The following CSMD1 variants were observed in gnomAD, a reference collection of about 807,000 sequenced individuals.
The protein encoded by CSMD1 is CUB and sushi domain-containing protein 1.
A neutral mutation model predicts 417.5 loss-of-function variants in CSMD1; 213 were observed. The observed-to-expected ratio is 0.51, with a 90% CI of 0.46 to 0.57. CSMD1 has a LOEUF of 0.57. Among genes scored for constraint, CSMD1 ranks in the 20% least tolerant of loss-of-function variants. The probability of loss-of-function intolerance (pLI) is 0.00; values close to 1 mark genes in which losing one functional copy is unlikely to be tolerated. For missense variants in CSMD1, 6,923 were observed against 4,529.7 expected (o/e 1.53, Z -15.17); for synonymous variants, 2,862 against 1,736.8 (o/e 1.65, Z -16.11).
chr8:3,075,838 G>A (rs757167101), intron 49 of CSMD1, among the ~76,000 whole-genome samples: 2 of 150,428 alleles, frequency 1.3e-5, no homozygotes, highest in Admixed American at 1.3e-4. Flanking sequence ...TCAGGAGATC[G>A]AGACCATCCT....
Position 4,019,637 on chromosome 8 carries a change from G to C in CSMD1, c.610+12268C>G, listed in dbSNP as rs375482515. On this transcript the variant is annotated intron_variant, in intron 4 of 69. Transcript: ENST00000635120. ...AAGTGATTTCCTTGAAATGCATGAG[G>C]TTAGAAAGGGAGCTGGAACTTAAAG... Among the ~76,000 whole-genome samples, 25 of 152,274 alleles carry C rather than the reference G, an allele frequency of 1.6e-4. No individual in the cohort carries two copies. In the East Asian group the frequency reaches 2.1e-3, roughly 13 times the overall value.
intron 3 of CSMD1, among the ~76,000 whole-genome samples, chr8:4,142,958 G>C (rs1803879205): frequency 6.8e-6 from 1 of 148,142 alleles, no homozygotes; most frequent in Non-Finnish European, 1.5e-5. Context: ...GAAATACCCA[G>C]AAACTATCAG....
intron 8 of CSMD1, among the ~76,000 whole-genome samples, chr8:3,616,411 G>A (rs73491476): frequency 6.6e-6 from 1 of 152,070 alleles, no homozygotes; most frequent in Non-Finnish European, 1.5e-5. Flanking sequence ...TAAGTTTCCT[G>A]AGACCTCCTC....
intron 3 of CSMD1, among the ~76,000 whole-genome samples, chr8:4,078,219 T>G (rs1799934317): frequency 6.6e-6 from 1 of 152,222 alleles, no homozygotes; most frequent in African/African-American, 2.4e-5. Flanking sequence ...TTTTTTTCTT[T>G]TAATTTTCTT....
intron 5 of CSMD1, among the ~76,000 whole-genome samples, chr8:3,892,564 T>A (rs1455626602): frequency 6.6e-6 from 1 of 151,454 alleles, no homozygotes; most frequent in Non-Finnish European, 1.5e-5. Context: ...ATAATAAGAT[T>A]ACTCTAAGTA....
intron 2 of CSMD1, among the ~76,000 whole-genome samples, chr8:4,513,955 C>G (rs1469000969): frequency 6.6e-6 from 1 of 152,188 alleles, no homozygotes; most frequent in African/African-American, 2.4e-5. Flanking sequence ...CAAAGAATCA[C>G]TTGGGACTCT....
rs377320024 is a variant in CSMD1 at position 4,718,200 on chromosome 8, C to T, written c.86-80642G>A. The stretch of plus-strand genomic sequence containing the variant: ...CTATGTAGCCCAGGCTGGTCTCAAA[C>T]TCCTGGGCTTAAGTGATTCTCCTGT... On this transcript the variant is annotated intron_variant, in intron 1 of 69. Coordinates refer to ENST00000635120, the MANE Select transcript of CSMD1 (RefSeq NM_033225.6). Among the ~76,000 whole-genome samples, 272 of 152,278 alleles carry T rather than the reference C, an allele frequency of 1.8e-3. 9 individuals are homozygous for T. In the South Asian group the frequency reaches 0.048, roughly 27 times the overall value.
At chr8:4,045,463 G>A (rs545838761) in intron 3 of CSMD1, among the ~76,000 whole-genome samples, 4 of 152,194 alleles carry the variant, frequency 2.6e-5, no homozygotes, top group African/African-American at 9.7e-5. Flanking sequence ...AAGGGCCACT[G>A]GTGCTGGGGT....
intron 5 of CSMD1, among the ~76,000 whole-genome samples, chr8:3,953,082 AAGG>A (rs1161749267): frequency 6.6e-6 from 1 of 152,156 alleles, no homozygotes; most frequent in East Asian, 1.9e-4. Context: ...AGTATTTGTA[AAGG>A]AGAAGAAAAT....
chr8:3,982,160 A>AAAAAATAATAAT (rs1252631240), intron 5 of CSMD1, among the ~76,000 whole-genome samples: 2 of 89,526 alleles, frequency 2.2e-5, no homozygotes, highest in African/African-American at 8.9e-5. Context: ...TCTATCTCAA[A>AAAAAATAATAAT]AATAATAATA....
At chr8:3,153,848 G>C (rs1411922211) in intron 39 of CSMD1, among the ~76,000 whole-genome samples, 3 of 152,178 alleles carry the variant, frequency 2.0e-5, no homozygotes, top group Non-Finnish European at 2.9e-5. Flanking sequence ...CTAATTACTT[G>C]AGAGCTTAGT....
intron 3 of CSMD1, among the ~76,000 whole-genome samples, chr8:4,215,628 A>G (rs543260678): frequency 6.6e-6 from 1 of 152,198 alleles, no homozygotes; most frequent in South Asian, 2.1e-4. Flanking sequence ...TTGAACATAA[A>G]TTTGGATCAT....
At chr8:3,854,660 G>T (rs1030298308) in intron 5 of CSMD1, among the ~76,000 whole-genome samples, 3 of 151,870 alleles carry the variant, frequency 2.0e-5, no homozygotes, top group Non-Finnish European at 2.9e-5. Context: ...GGACAATGTG[G>T]AAGAGAGGGG....
At chr8:3,358,376 G>T (rs1408002140) in intron 21 of CSMD1, among the ~76,000 whole-genome samples, 1 of 152,180 alleles carries the variant, frequency 6.6e-6, no homozygotes, top group Non-Finnish European at 1.5e-5. Context: ...TGGGTGGCAG[G>T]AACTAGACGT....
chr8:3,503,975 T>A (rs752464226), intron 10 of CSMD1, among the ~76,000 whole-genome samples: 3 of 152,200 alleles, frequency 2.0e-5, no homozygotes, highest in African/African-American at 7.2e-5. Flanking sequence ...GTGGTTGATT[T>A]TGGGGTATGA....
At chr8:4,890,921 G>A (rs1422595105) in intron 1 of CSMD1, among the ~76,000 whole-genome samples, 1 of 152,092 alleles carries the variant, frequency 6.6e-6, no homozygotes, top group African/African-American at 2.4e-5. Context: ...TGGTGCACCT[G>A]GGGAAACGCA....
At position 3,290,642 on chromosome 8, in the gene CSMD1, A is replaced by T. The variant is rs1159111177; in HGVS notation, c.3951-6296T>A. On this transcript the variant is annotated intron_variant, in intron 25 of 69. Coordinates refer to ENST00000635120, the MANE Select transcript of CSMD1 (RefSeq NM_033225.6). ...CTCTCTGTTTGTCTGTTATTGGCGT[A>T]TGAGAATAGTTGTGATTTTTGCACA... Among the ~76,000 whole-genome samples, 2 of 147,316 alleles carry T rather than the reference A, an allele frequency of 1.4e-5. 1 individual carries two copies. The highest frequency in any genetic ancestry group is 5.4e-5 in the African/African-American group (2 of 37,068).
At chr8:4,483,962 T>C (rs1801235514) in intron 2 of CSMD1, among the ~76,000 whole-genome samples, 1 of 152,182 alleles carries the variant, frequency 6.6e-6, no homozygotes, top group South Asian at 2.1e-4. Context: ...TCATTGACAG[T>C]CCTGCGTTTT....
chr8:3,933,440 G>A (rs990083783), intron 5 of CSMD1, among the ~76,000 whole-genome samples: 1 of 152,076 alleles, frequency 6.6e-6, no homozygotes, highest in Non-Finnish European at 1.5e-5. Context: ...CATAGACTAA[G>A]CATTTCCCGC....
Sources: allele counts gnomAD v4.1 joint callset (sites outside exome capture counted in the v4.1 genomes callset), GRCh38; gene constraint gnomAD v4.1.1; transcripts MANE v1.5; gene names NCBI Gene and HGNC (gene_info 2026-07-23, HGNC 2026-07-21).